The following MYH1 variants were observed in gnomAD, a reference collection of about 807,000 sequenced individuals.
The protein encoded by MYH1 is myosin heavy chain 1.
Under a neutral mutation model 225.6 loss-of-function variants are expected in MYH1, and 214 were observed. The observed-to-expected ratio is 0.95, with a 90% CI of 0.85 to 1.06. The LOEUF (loss-of-function observed/expected upper bound fraction) is 1.06, where lower values mean the gene tolerates loss of function less well. Ranked by LOEUF, MYH1 falls within the 50% of genes least tolerant of loss-of-function variation. MYH1 has a pLI of 0.00. For missense variants in MYH1, 2,098 were observed against 2,344.2 expected (o/e 0.89, Z 2.17); for synonymous variants, 774 against 842.3 (o/e 0.92, Z 1.40).
chr17:10,502,889 G>T lies in MYH1; in HGVS notation c.2960C>A (p.Ala987Glu). 1 of 1,614,000 alleles carries T rather than the reference G, an allele frequency of 6.2e-7. No individual in the cohort carries two copies. The highest frequency in any genetic ancestry group is 8.5e-7 in the Non-Finnish European group (1 of 1,180,014). ...CTTAGCAATGGTTTCATCCAGACCC[G>T]CCATCTCTTCTGTGAGGTTTTTCAC... is the stretch of plus-strand genomic sequence containing the variant. ...NKVKNLTEEM[A>E]GLDETIAKLT... Residue 987 changes from alanine (A) to glutamate (E), a missense_variant, in exon 24 of 40, where the codon GCG (alanine) becomes GAG (glutamate). Ala to Glu is a moderately radical substitution (Grantham distance 107). Coordinates refer to ENST00000226207, the MANE Select transcript of MYH1 (RefSeq NM_005963.4).
In MYH1 at chr17:10,498,607, A is replaced by G. The variant is rs758874893; in HGVS notation, c.4181+19T>C. The G allele has an allele frequency of 3.8e-5, 62 of 1,613,704 alleles. No individual in the cohort carries two copies. Among genetic ancestry groups the G allele is most frequent in the Non-Finnish European group, 5.1e-5 (60 of 1,179,714 alleles). On this transcript the variant is annotated intron_variant, in intron 30 of 39. Transcript: ENST00000226207. ...GCAAGGAAACTTATAGTTCCATTTTAACTAAGTCTGGAACATACTTGGCCT... is the reference window on the plus strand; with the variant it reads ...GCAAGGAAACTTATAGTTCCATTTTGACTAAGTCTGGAACATACTTGGCCT...
Position 10,512,169 on chromosome 17 carries a change from G to A in MYH1, c.1171C>T (p.Gln391Ter). ...TEVADKAAYL[Q>*]NLNSADLLKA... ...AGCAGATCTGCAGAGTTCAGATTTT[G>A]GAGATAGGCTGCCTTGTCAGCAACT... Residue 391 changes from glutamine to a stop codon, truncating the protein, a stop_gained, in exon 13 of 40, where the codon CAA (glutamine) becomes TAA (stop). Transcript: ENST00000226207. LOFTEE classifies it high-confidence loss of function. 6.2e-7 allele frequency: 1 copy of A among 1,614,122 alleles called. No homozygotes were observed. The highest frequency in any genetic ancestry group is 8.5e-7 in the Non-Finnish European group (1 of 1,179,998).
chr17:10,496,957 C>G, intron 33 of MYH1, 112 bp downstream of exon 33: 1 of 1,383,454 alleles, frequency 7.2e-7, no homozygotes, highest in Non-Finnish European at 9.8e-7. Context: ...ATTCTCATCC[C>G]TAGTTCATGG....
rs17811250 is a variant in MYH1, at chr17:10,500,729, G to A, written c.3762C>T (p.Arg1254=). 265,255 of 1,613,888 alleles carry A rather than the reference G, an allele frequency of 0.16. 24,690 individuals are homozygous for A. The highest frequency in any genetic ancestry group is 0.19 in the Non-Finnish European group (224,571 of 1,179,888). The change falls in exon 28 of 40, where the codon CGC becomes CGT. Residue 1254 remains arginine, a synonymous_variant. Coordinates refer to ENST00000226207, the MANE Select transcript of MYH1 (RefSeq NM_005963.4). ...KAKGNLEKMC[R]ALEDQLSEIK... ...TTTCACTCAGTTGATCTTCTAGAGC[G>A]CGGCACATCTTTTCAAGGTTTCCCT...
chr17:10,508,004 G>A, intron 16 of MYH1, 48 bp from the exon 17 acceptor site: 2 of 1,423,790 alleles, frequency 1.4e-6, no homozygotes, highest in Admixed American at 2.1e-5. Context: ...CTCTGGTTAT[G>A]GTTTTTTTTT....
At position 10,501,398 on chromosome 17, in the gene MYH1, G is replaced by C; in HGVS notation, c.3450C>G (p.Ile1150Met). The change falls in exon 27 of 40, where the codon ATC (isoleucine) becomes ATG (methionine). Residue 1150 changes from isoleucine to methionine, a missense_variant. Ile to Met is a conservative substitution (Grantham distance 10). Coordinates refer to ENST00000226207, the MANE Select transcript of MYH1 (RefSeq NM_005963.4). ...CACCGGCTTCTTCCAGCCTCTCGCT[G>C]ATCTCCTCCAGCTCCCGGGAGAGAT... is the stretch of plus-strand genomic sequence containing the variant. ...RSDLSRELEE[I>M]SERLEEAGGA... The C allele has an allele frequency of 6.2e-7, 1 of 1,614,186 alleles. No homozygotes were observed. Among genetic ancestry groups the C allele is most frequent in the African/African-American group, 1.3e-5 (1 of 75,052 alleles).
intron 30 of MYH1, 54 bp downstream of exon 30, chr17:10,498,572 T>C (rs1020670588): frequency 1.1e-5 from 18 of 1,608,764 alleles, no homozygotes; most frequent in East Asian, 4.5e-5. Context: ...GTTTTTCATA[T>C]GTTTTGGGAG....
chr17:10,495,363 A>C, intron 35 of MYH1, 46 bp from the exon 36 acceptor site: 5 of 1,605,764 alleles, frequency 3.1e-6, no homozygotes, highest in Non-Finnish European at 4.3e-6. Flanking sequence ...ATGAGAGAAA[A>C]ATTAGGAAAC....
chr17:10,496,606 A>G (rs969150105), intron 33 of MYH1, 57 bp from the exon 34 acceptor site: 3 of 1,607,870 alleles, frequency 1.9e-6, no homozygotes, highest in African/African-American at 2.7e-5. Context: ...AGTATTCTAG[A>G]GATAAGAATG....
Position 10,499,027 on chromosome 17 carries a change from C to A in MYH1, c.3931G>T (p.Ala1311Ser), listed in dbSNP as rs774164664. 1.9e-6 allele frequency: 3 copies of A among 1,614,168 alleles called. No homozygotes were observed. Among genetic ancestry groups the A allele is most frequent in the Non-Finnish European group, 2.5e-6 (3 of 1,180,016 alleles). Residue 1311 changes from alanine to serine, a missense_variant, in exon 29 of 40, where the codon GCC becomes TCC. Ala to Ser is a moderately conservative substitution (Grantham distance 99). Coordinates refer to ENST00000226207, the MANE Select transcript of MYH1 (RefSeq NM_005963.4). ...AGTTCCTCAATCTGTTGTGTAAAGG[C>A]TTGTTTGCCCCTCGAGAGCTGTGAA... Reference protein sequence around the residue: ...LVSQLSRGKQAFTQQIEELKR... With the variant: ...LVSQLSRGKQSFTQQIEELKR...
At chr17:10,502,028 T>A in intron 24 of MYH1, 117 bp from the exon 25 acceptor site, 1 of 1,037,750 alleles carries the variant, frequency 9.6e-7, no homozygotes, top group South Asian at 1.8e-5. Context: ...TTAGGCAGAT[T>A]TGTCCCATTG....
chr17:10,507,807 A>AAGGTT (rs1182687278), intron 17 of MYH1, 79 bp downstream of exon 17: 7 of 1,182,366 alleles, frequency 5.9e-6, no homozygotes, highest in African/African-American at 1.5e-5. Flanking sequence ...GAATCCTTGC[A>AAGGTT]AGGTTAGTTT....
intron 39 of MYH1, among the ~76,000 whole-genome samples, chr17:10,492,854 T>TTGTTTG (rs1555565572): frequency 6.6e-6 from 1 of 151,878 alleles, no homozygotes; most frequent in Non-Finnish European, 1.5e-5. Flanking sequence ...TTGTTTTTTT[T>TTGTTTG]TTTGTTTGTT....
chr17:10,509,560 G>C lies in MYH1; in HGVS notation c.1512C>G (p.Tyr504Ter). The C allele has an allele frequency of 1.9e-6, 3 of 1,614,118 alleles. No individual in the cohort carries two copies. The highest frequency in any genetic ancestry group is 2.5e-6 in the Non-Finnish European group (3 of 1,180,028). ...ACGTCCACTCAATGCCTTCCTTCTTGTACTCCTCCTGCTCCAGCACGAACA... is the reference window on the plus strand; with the variant it reads ...ACGTCCACTCAATGCCTTCCTTCTTCTACTCCTCCTGCTCCAGCACGAACA... ...HHMFVLEQEEYKKEGIEWTFI... is the reference protein window; with the variant it reads ...HHMFVLEQEE Residue 504 changes from tyrosine to a stop codon, truncating the protein, a stop_gained, in exon 15 of 40, where the codon TAC becomes TAG. Transcript: ENST00000226207. LOFTEE classifies it high-confidence loss of function.
chr17:10,499,956 C>T (rs538924513), intron 28 of MYH1, among the ~76,000 whole-genome samples: 8 of 152,214 alleles, frequency 5.3e-5, no homozygotes, highest in Admixed American at 2.0e-4. Context: ...AAGTTGGACA[C>T]GTCAGTAGGA....
chr17:10,517,932 T>G (rs1337999597), intron 2 of MYH1, among the ~76,000 whole-genome samples: 1 of 152,208 alleles, frequency 6.6e-6, no homozygotes, highest in Non-Finnish European at 1.5e-5. Flanking sequence ...AAATGTTACA[T>G]TGCATATTGT....
intron 6 of MYH1, 82 bp downstream of exon 6, chr17:10,514,786 A>G: frequency 5.5e-6 from 7 of 1,268,298 alleles, no homozygotes; most frequent in South Asian, 1.2e-5. Flanking sequence ...TTAGTAGAGA[A>G]CATTAACTAA....
intron 14 of MYH1, 136 bp from the exon 15 acceptor site, chr17:10,509,791 T>C: frequency 6.8e-7 from 1 of 1,460,456 alleles, no homozygotes. Flanking sequence ...CACAATGAAG[T>C]TTTTGCTGCT....
chr17:10,495,352 C>A, intron 35 of MYH1, 35 bp from the exon 36 acceptor site: 1 of 1,610,632 alleles, frequency 6.2e-7, no homozygotes, highest in South Asian at 1.1e-5. Context: ...ATATTAGGCA[C>A]ATGAGAGAAA....
Sources: allele counts gnomAD v4.1 joint callset (sites outside exome capture counted in the v4.1 genomes callset), GRCh38; gene constraint gnomAD v4.1.1; transcripts MANE v1.5; gene names NCBI Gene and HGNC (gene_info 2026-07-23, HGNC 2026-07-21).